Variants in CAST observed in about 807,000 individuals in gnomAD.
CAST encodes MIR583 host.
In CAST, 76 loss-of-function variants were observed where a neutral mutation model predicts 119.6. That is an observed-to-expected ratio of 0.64 (90% confidence interval 0.53 to 0.77). The LOEUF is 0.77. CAST is among the 30% of genes least tolerant of loss of function. The pLI, the probability that CAST is intolerant of heterozygous loss-of-function variation, is 0.00. For synonymous variants in CAST, 319 were observed against 331.6 expected (o/e 0.96, Z 0.41); for missense variants, 953 against 946.5 (o/e 1.01, Z -0.09).
the CAST span, among the ~76,000 whole-genome samples, chr5:96,479,693 C>T: frequency 0.24 from 36,568 of 151,940 alleles, 4,820 homozygotes; most frequent in East Asian, 0.48. Flanking sequence ...CGCGATCTGC[C>T]CTCCTTGGCC....
chr5:95,999,076 A>T, the CAST span, among the ~76,000 whole-genome samples: 2 of 151,874 alleles, frequency 1.3e-5, no homozygotes, highest in Non-Finnish European at 1.5e-5. Flanking sequence ...GACTTTACTG[A>T]GTAATCAGTT....
the CAST span, chr5:95,965,171 G>A: frequency 6.6e-6 from 1 of 152,228 alleles, no homozygotes; most frequent in Admixed American, 6.5e-5. Context: ...AAAGGGCTCA[G>A]TGATTTCTTG....
the CAST span, among the ~76,000 whole-genome samples, chr5:96,134,385 T>A: frequency 6.6e-6 from 1 of 152,204 alleles, no homozygotes; most frequent in Non-Finnish European, 1.5e-5. Context: ...ATATTACATC[T>A]GTGAAAAGTC....
chr5:96,479,879 G>A, the CAST span, among the ~76,000 whole-genome samples: 2 of 152,110 alleles, frequency 1.3e-5, no homozygotes, highest in South Asian at 4.1e-4. Flanking sequence ...ATTTTAACAG[G>A]CAAAGGAGGG....
chr5:96,349,139 A>AATT, the CAST span, among the ~76,000 whole-genome samples: 19 of 89,634 alleles, frequency 2.1e-4, no homozygotes, highest in African/African-American at 8.8e-4. Flanking sequence ...CAAGGACACT[A>AATT]TTTTTTTTTT....
chr5:96,312,406 C>A, the CAST span, among the ~76,000 whole-genome samples: 1 of 151,916 alleles, frequency 6.6e-6, no homozygotes, highest in African/African-American at 2.4e-5. Context: ...TGATTTTTTT[C>A]CTTCCCCTTT....
the CAST span, among the ~76,000 whole-genome samples, chr5:96,280,329 G>A: frequency 1.0e-3 from 154 of 152,222 alleles, no homozygotes; most frequent in Non-Finnish European, 1.8e-3. Flanking sequence ...TTATAAAGAT[G>A]ATTCATATTA....
At chr5:95,979,303 A>C in the CAST span, among the ~76,000 whole-genome samples, 1 of 152,186 alleles carries the variant, frequency 6.6e-6, no homozygotes, top group East Asian at 1.9e-4. Context: ...GCTACAGATA[A>C]AAATTTGCAT....
chr5:96,412,561 C>A, the CAST span: 1 of 1,341,520 alleles, frequency 7.5e-7, no homozygotes, highest in South Asian at 1.2e-5. Flanking sequence ...GCCCAATACT[C>A]TTACTATTTG....
At chr5:96,698,167 G>A (rs577397606) in intron 3 of CAST, among the ~76,000 whole-genome samples, 1 of 152,124 alleles carries the variant, frequency 6.6e-6, no homozygotes, top group African/African-American at 2.4e-5. Context: ...TTTCTTGAAC[G>A]TAATCATAAG....
intron 1 of CAST, among the ~76,000 whole-genome samples, chr5:96,612,525 C>T (rs1204608679): frequency 6.6e-6 from 1 of 152,158 alleles, no homozygotes; most frequent in African/African-American, 2.4e-5. Flanking sequence ...CAAACCTCAG[C>T]ATTTCACAAT....
intron 1 of CAST, among the ~76,000 whole-genome samples, chr5:96,602,085 C>G (rs1747164308): frequency 6.6e-6 from 1 of 152,172 alleles, no homozygotes; most frequent in South Asian, 2.1e-4. Context: ...CAGCAGAATC[C>G]TGCCTGTCAC....
intron 4 of CAST, among the ~76,000 whole-genome samples, chr5:96,724,977 G>C (rs1430922408): frequency 6.6e-6 from 1 of 152,046 alleles, no homozygotes; most frequent in Non-Finnish European, 1.5e-5. Context: ...CTAATCCCCT[G>C]TGCCTCAGCT....
At chr5:96,382,590 C>T in the CAST span, among the ~76,000 whole-genome samples, 5 of 152,156 alleles carry the variant, frequency 3.3e-5, no homozygotes, top group Admixed American at 2.0e-4. Flanking sequence ...AGGGATACAA[C>T]GATGAATAAA....
chr5:96,166,159 C>G, the CAST span, among the ~76,000 whole-genome samples: 1 of 152,028 alleles, frequency 6.6e-6, no homozygotes, highest in Non-Finnish European at 1.5e-5. Flanking sequence ...GTGTTTCCCC[C>G]CTGCAGATAA....
the CAST span, among the ~76,000 whole-genome samples, chr5:96,209,970 C>A: frequency 6.6e-6 from 1 of 151,486 alleles, no homozygotes; most frequent in Non-Finnish European, 1.5e-5. Flanking sequence ...GCCAATGAGT[C>A]ATAGATTTGG....
the CAST span, among the ~76,000 whole-genome samples, chr5:96,368,521 A>T: frequency 6.6e-6 from 1 of 151,846 alleles, no homozygotes; most frequent in African/African-American, 2.4e-5. Context: ...AAAAACAAAA[A>T]AACCTATAGA....
At chr5:96,311,295 G>A in the CAST span, among the ~76,000 whole-genome samples, 5 of 151,906 alleles carry the variant, frequency 3.3e-5, no homozygotes, top group African/African-American at 9.7e-5. Flanking sequence ...TACTTGATAT[G>A]GTTTTAATCT....
At chr5:96,284,842 T>A in the CAST span, among the ~76,000 whole-genome samples, 335 of 152,332 alleles carry the variant, frequency 2.2e-3, no homozygotes, top group Non-Finnish European at 3.6e-3. Flanking sequence ...ATGCACTTAT[T>A]TCTTTTTTAT....
Sources: allele counts gnomAD v4.1 joint callset (sites outside exome capture counted in the v4.1 genomes callset), GRCh38; gene constraint gnomAD v4.1.1; transcripts MANE v1.5; gene names NCBI Gene and HGNC (gene_info 2026-07-23, HGNC 2026-07-21).